CCDC3: variants seen among roughly 807,000 people sequenced by gnomAD.
CCDC3 encodes the protein coiled-coil domain-containing protein 3.
Under a neutral mutation model 21.4 loss-of-function variants are expected in CCDC3, and 24 were observed. That is an observed-to-expected ratio of 1.12 (90% CI 0.81 to 1.58). The LOEUF (loss-of-function observed/expected upper bound fraction) is 1.58, where lower values mean the gene tolerates loss of function less well. CCDC3 is among the 40% of genes most tolerant of loss of function. CCDC3 has a pLI of 0.00. For missense variants in CCDC3, 425 were observed against 360.9 expected (o/e 1.18, Z -1.44); for synonymous variants, 186 against 166.0 (o/e 1.12, Z -0.93).
At chr10:12,919,564 T>G (rs974579108) in intron 2 of CCDC3, among the ~76,000 whole-genome samples, 81 of 134,964 alleles carry the variant, frequency 6.0e-4, no homozygotes, top group Non-Finnish European at 1.1e-3. Flanking sequence ...CACTCCAGCC[T>G]GGGCTACAGA....
At chr10:13,038,747 T>C (rs567766563) in intron 5 of CCDC3, among the ~76,000 whole-genome samples, 1 of 152,334 alleles carries the variant, frequency 6.6e-6, no homozygotes, top group African/African-American at 2.4e-5. Context: ...TAGCACCTTG[T>C]TCCAGGCAGC....
At chr10:12,902,166 T>C (rs1331494776) in intron 2 of CCDC3, among the ~76,000 whole-genome samples, 3 of 152,250 alleles carry the variant, frequency 2.0e-5, no homozygotes, top group African/African-American at 7.2e-5. Flanking sequence ...CTTGCTGCCC[T>C]GGCCTTTTTA....
intron 5 of CCDC3, among the ~76,000 whole-genome samples, chr10:13,009,493 A>T (rs1835960640): frequency 6.6e-6 from 1 of 152,214 alleles, no homozygotes; most frequent in African/African-American, 2.4e-5. Context: ...CAAAATCAGA[A>T]GGCTAACATT....
intron 4 of CCDC3, among the ~76,000 whole-genome samples, chr10:13,064,985 G>A (rs570238662): frequency 6.6e-6 from 1 of 151,990 alleles, no homozygotes; most frequent in African/African-American, 2.4e-5. Flanking sequence ...TGAATAGAGT[G>A]GGAGGCAGGT....
intron 2 of CCDC3, among the ~76,000 whole-genome samples, chr10:12,985,486 C>T (rs965721203): frequency 2.6e-5 from 4 of 152,134 alleles, no homozygotes; most frequent in African/African-American, 9.7e-5. Flanking sequence ...GAATGTTCAC[C>T]GCAACTTTAT....
At chr10:12,968,190 A>C (rs374623415) in intron 2 of CCDC3, among the ~76,000 whole-genome samples, 4,346 of 75,356 alleles carry the variant, frequency 0.058, 238 homozygotes, top group African/African-American at 0.15. Flanking sequence ...AGAAAATACA[A>C]ACACACACAC....
chr10:13,019,868 C>T (rs573564926), intron 5 of CCDC3, among the ~76,000 whole-genome samples: 2 of 152,032 alleles, frequency 1.3e-5, no homozygotes, highest in South Asian at 2.1e-4. Flanking sequence ...TGGTAGTGCA[C>T]GCCTGTAATC....
intron 4 of CCDC3, among the ~76,000 whole-genome samples, chr10:13,050,303 A>G (rs1408295072): frequency 6.6e-6 from 1 of 152,086 alleles, no homozygotes; most frequent in Non-Finnish European, 1.5e-5. Flanking sequence ...TAATTGGTGA[A>G]TCTGTCAGAC....
At chr10:12,960,836 G>A (rs1471927523) in intron 2 of CCDC3, among the ~76,000 whole-genome samples, 2 of 152,286 alleles carry the variant, frequency 1.3e-5, no homozygotes, top group South Asian at 2.1e-4. Context: ...GCATTATCCC[G>A]ACCCAAACAA....
chr10:13,042,906 C>CAAAAAA (rs55911312), intron 5 of CCDC3, among the ~76,000 whole-genome samples: 8 of 100,414 alleles, frequency 8.0e-5, no homozygotes, highest in Admixed American at 2.2e-4. Context: ...GAGACTGTCT[C>CAAAAAA]AAAAAAAAAA....
chr10:12,996,493 G>T (rs1835763754), intron 2 of CCDC3, among the ~76,000 whole-genome samples: 1 of 151,334 alleles, frequency 6.6e-6, no homozygotes, highest in East Asian at 1.9e-4. Flanking sequence ...GCACCACTCT[G>T]CCCAGCTAAT....
intron 2 of CCDC3, among the ~76,000 whole-genome samples, chr10:12,929,278 A>C (rs1020869966): frequency 1.3e-5 from 2 of 151,608 alleles, no homozygotes; most frequent in Non-Finnish European, 2.9e-5. Context: ...AAAAAAAAAA[A>C]AAAAGAACAG....
intron 2 of CCDC3, among the ~76,000 whole-genome samples, chr10:12,989,450 C>A (rs1835648011): frequency 6.6e-6 from 1 of 152,182 alleles, no homozygotes. Context: ...TAGACAAAGT[C>A]TCTCTCTGTC....
At chr10:12,997,235 G>A (rs1049279800) in intron 2 of CCDC3, among the ~76,000 whole-genome samples, 2 of 69,220 alleles carry the variant, frequency 2.9e-5, no homozygotes, top group Admixed American at 1.9e-4. Flanking sequence ...AAATGGGTTC[G>A]TTAATGGAAA....
At chr10:13,074,154 T>TATATATATATATATATTTA (rs1491463766) in intron 3 of CCDC3, 1 of 39,938 alleles carries the variant, frequency 2.5e-5, no homozygotes, top group African/African-American at 1.2e-4. Flanking sequence ...TATATATATA[T>TATATATATATATATATTTA]TTTTTTTTTT....
Position 12,897,555 on chromosome 10 carries a change from T to C in CCDC3, c.*861A>G, listed in dbSNP as rs1310632172. The C allele has an allele frequency of 6.6e-6, 1 of 152,184 alleles. No homozygotes were observed. The highest frequency in any genetic ancestry group is 1.5e-5 in the Non-Finnish European group (1 of 68,034). The allele number at this position is 152,184 out of a possible 1,614,324, so 9.4% of individuals were successfully genotyped here. On this transcript the variant is annotated 3_prime_UTR_variant, in exon 3 of 3. Coordinates refer to ENST00000378825, the MANE Select transcript of CCDC3 (RefSeq NM_031455.4). ...GGTGTCTTTGCAGAAGTTCACAGCG[T>C]CTTGGAGCACCTCACTTTGAGTTCA...
At chr10:13,024,199 T>C (rs1836186480) in intron 5 of CCDC3, among the ~76,000 whole-genome samples, 1 of 152,144 alleles carries the variant, frequency 6.6e-6, no homozygotes, top group African/African-American at 2.4e-5. Context: ...TGAGGCATCT[T>C]TTCATTTTGA....
intron 2 of CCDC3, among the ~76,000 whole-genome samples, chr10:12,968,737 A>T (rs1471084492): frequency 6.6e-6 from 1 of 152,196 alleles, no homozygotes; most frequent in East Asian, 1.9e-4. Context: ...AGGTGGATTA[A>T]AAGTATGGAG....
At chr10:13,011,227 G>C (rs548373399) in intron 5 of CCDC3, among the ~76,000 whole-genome samples, 77 of 149,766 alleles carry the variant, frequency 5.1e-4, no homozygotes, top group African/African-American at 1.5e-3. Flanking sequence ...CATCGAAATA[G>C]GAAGAGAAGA....
Sources: allele counts gnomAD v4.1 joint callset (sites outside exome capture counted in the v4.1 genomes callset), GRCh38; gene constraint gnomAD v4.1.1; transcripts MANE v1.5; gene names NCBI Gene and HGNC (gene_info 2026-07-23, HGNC 2026-07-21).